TTC17: variants seen among roughly 807,000 people sequenced by gnomAD.
The protein encoded by TTC17 is tetratricopeptide repeat protein 17.
Under a neutral mutation model 143.8 loss-of-function variants are expected in TTC17, and 58 were observed. That is an observed-to-expected ratio of 0.40 (90% CI 0.33 to 0.50). The LOEUF (loss-of-function observed/expected upper bound fraction) is 0.50, where lower values mean the gene tolerates loss of function less well. TTC17 is among the 20% of genes least tolerant of loss of function. The pLI is 0.49. For synonymous variants in TTC17, 501 were observed against 497.8 expected (o/e 1.01, Z -0.09); for missense variants, 1,273 against 1,392.5 (o/e 0.91, Z 1.37).
chr11:43,381,204 T>G (rs1856955617), intron 2 of TTC17, among the ~76,000 whole-genome samples: 1 of 152,228 alleles, frequency 6.6e-6, no homozygotes, highest in Admixed American at 6.5e-5. Context: ...TGTTTATACT[T>G]ATACTATGAA....
intron 2 of TTC17, among the ~76,000 whole-genome samples, chr11:43,380,454 C>T (rs1006015291): frequency 2.6e-5 from 4 of 152,128 alleles, no homozygotes; most frequent in African/African-American, 9.7e-5. Flanking sequence ...CGGCTTTTGC[C>T]ATGTTGGCCA....
rs189403513 is a variant in TTC17, at chr11:43,464,561, T to C, written c.3030+13296T>C. On this transcript the variant is annotated intron_variant, in intron 21 of 23. Transcript: ENST00000039989. ...AGCTGGGAACAGTATTTTCAAATTA[T>C]ATTACAGATAAAGGGATTTTAAACC... Among the ~76,000 whole-genome samples the C allele has an allele frequency of 2.5e-3, 381 of 152,290 alleles. 3 individuals are homozygous for C. The highest frequency in any genetic ancestry group is 8.8e-3 in the African/African-American group (367 of 41,574).
intron 1 of TTC17, among the ~76,000 whole-genome samples, chr11:43,372,302 G>T (rs930798891): frequency 1.3e-5 from 2 of 150,776 alleles, no homozygotes; most frequent in South Asian, 2.1e-4. Context: ...GTCTAAAAAG[G>T]TTCATGGGTT....
chr11:43,465,685 G>A (rs1947957548), intron 21 of TTC17, among the ~76,000 whole-genome samples: 1 of 152,074 alleles, frequency 6.6e-6, no homozygotes. Context: ...CATTCAATGG[G>A]GAAAAGATGG....
chr11:43,394,800 A>T (rs1857517326), intron 5 of TTC17, among the ~76,000 whole-genome samples: 1 of 152,026 alleles, frequency 6.6e-6, no homozygotes, highest in Admixed American at 6.6e-5. Flanking sequence ...GAAGTTTGAG[A>T]AGAAGCCAGT....
At chr11:43,467,152 T>G (rs1380225531) in intron 21 of TTC17, among the ~76,000 whole-genome samples, 1 of 152,194 alleles carries the variant, frequency 6.6e-6, no homozygotes, top group Non-Finnish European at 1.5e-5. Flanking sequence ...TACTATATGA[T>G]TCAGCAGTTC....
intron 21 of TTC17, among the ~76,000 whole-genome samples, chr11:43,452,935 A>T (rs530541893): frequency 6.6e-6 from 1 of 152,348 alleles, no homozygotes; most frequent in African/African-American, 2.4e-5. Flanking sequence ...AAAGAAAAAA[A>T]AATTCGCCTG....
intron 8 of TTC17, among the ~76,000 whole-genome samples, chr11:43,398,865 G>A (rs1341627841): frequency 6.6e-6 from 1 of 152,196 alleles, no homozygotes; most frequent in African/African-American, 2.4e-5. Context: ...AAGGCATAAT[G>A]TGGTAGGAAG....
intron 16 of TTC17, among the ~76,000 whole-genome samples, chr11:43,433,949 A>C (rs769873595): frequency 6.6e-6 from 1 of 152,116 alleles, no homozygotes; most frequent in Non-Finnish European, 1.5e-5. Flanking sequence ...CTTCATAATA[A>C]ATTATACTCA....
At position 43,450,100 on chromosome 11, in the gene TTC17, T is replaced by G; in HGVS notation, c.2805T>G (p.Asp935Glu). The stretch of plus-strand genomic sequence containing the variant: ...TTTTCAGCATCACAGAACACATAGA[T>G]TTTGCCACCCCTATACAGCAGCCAG... Reference protein sequence around the residue: ...SKNIDITEHIDFATPIQQPAM... With the variant: ...SKNIDITEHIEFATPIQQPAM... The change falls in exon 20 of 24, where the codon GAT (aspartate) becomes GAG (glutamate). Residue 935 changes from aspartate (D) to glutamate (E), a missense_variant. Coordinates refer to ENST00000039989, the MANE Select transcript of TTC17 (RefSeq NM_018259.6). The G allele has an allele frequency of 1.2e-6, 2 of 1,613,836 alleles. No homozygotes were observed. Among genetic ancestry groups the G allele is most frequent in the Non-Finnish European group, 1.7e-6 (2 of 1,179,904 alleles).
At chr11:43,489,081 A>G (rs1332884663) in intron 21 of TTC17, among the ~76,000 whole-genome samples, 2 of 152,228 alleles carry the variant, frequency 1.3e-5, no homozygotes, top group African/African-American at 4.8e-5. Flanking sequence ...TTCTGTAGCA[A>G]TCAAAATCTA....
Position 43,448,039 on chromosome 11 carries a change from C to T in TTC17, c.2703C>T (p.Ser901=), listed in dbSNP as rs779187930. ...ACTACCAGCGTCTGGGATGGCCCAGCCCGGACGAATGCCTCAAACTCCGCT... is the reference window on the plus strand; with the variant it reads ...ACTACCAGCGTCTGGGATGGCCCAGTCCGGACGAATGCCTCAAACTCCGCT... ...KRDYQRLGWP[S]PDECLKLRWV... is the part of the protein sequence containing the mutation. The change falls in exon 19 of 24, where the codon AGC becomes AGT. Residue 901 remains serine, a synonymous_variant. Transcript: ENST00000039989. The T allele has an allele frequency of 1.9e-6, 3 of 1,614,122 alleles. No individual in the cohort carries two copies. In the East Asian group the frequency reaches 6.7e-5, roughly 36 times the overall value.
chr11:43,407,744 G>A (rs1196781299), intron 15 of TTC17, among the ~76,000 whole-genome samples, 167 bp downstream of exon 15: 2 of 151,120 alleles, frequency 1.3e-5, no homozygotes, highest in Non-Finnish European at 2.9e-5. Context: ...GTTGTATTTT[G>A]ATGTGTTCTT....
intron 2 of TTC17, among the ~76,000 whole-genome samples, chr11:43,388,281 A>C (rs978288297): frequency 2.0e-5 from 3 of 152,204 alleles, no homozygotes; most frequent in Admixed American, 1.3e-4. Flanking sequence ...AAAAACATAC[A>C]TACTTTTTTT....
At chr11:43,362,463 G>A (rs1465312312) in intron 1 of TTC17, among the ~76,000 whole-genome samples, 2 of 152,104 alleles carry the variant, frequency 1.3e-5, no homozygotes, top group Non-Finnish European at 2.9e-5. Context: ...CGTATGTATT[G>A]GAAATGGTAC....
intron 6 of TTC17, 104 bp downstream of exon 6, chr11:43,396,922 T>C (rs1857615096): frequency 1.8e-6 from 1 of 552,082 alleles, no homozygotes; most frequent in South Asian, 4.7e-5. Context: ...TTATATACTT[T>C]TCTCCATCCC....
chr11:43,388,845 G>A (rs923754477), intron 2 of TTC17, among the ~76,000 whole-genome samples: 3 of 151,756 alleles, frequency 2.0e-5, no homozygotes, highest in Non-Finnish European at 4.4e-5. Flanking sequence ...ACATGGTGGT[G>A]TGCACCTGTA....
intron 16 of TTC17, among the ~76,000 whole-genome samples, chr11:43,417,899 A>G (rs775452807): frequency 1.3e-5 from 2 of 152,238 alleles, no homozygotes; most frequent in African/African-American, 2.4e-5. Context: ...ATAATATAGT[A>G]GAATGTCTTA....
At chr11:43,362,430 C>A (rs1489248193) in intron 1 of TTC17, among the ~76,000 whole-genome samples, 2 of 152,144 alleles carry the variant, frequency 1.3e-5, no homozygotes, top group Non-Finnish European at 2.9e-5. Flanking sequence ...CCACCAGTTA[C>A]ATACCGCAGA....
Sources: gnomAD v4.1 joint callset for allele counts (sites outside exome capture counted in the v4.1 genomes callset) on GRCh38, gnomAD v4.1.1 for gene constraint, MANE v1.5 for transcripts, NCBI Gene and HGNC (gene_info 2026-07-23, HGNC 2026-07-21) for gene names.